The following BMPR1B variants were observed in gnomAD, a reference collection of about 807,000 sequenced individuals.
BMPR1B encodes bone morphogenetic protein receptor type 1B, also known as bone morphogenetic protein receptor type-1B.
A neutral mutation model predicts 59.1 loss-of-function variants in BMPR1B; 12 were observed. The ratio of observed to expected loss-of-function variants is 0.20; its 90% CI spans 0.13 to 0.33. The LOEUF (loss-of-function observed/expected upper bound fraction) is 0.33. Among genes scored for constraint, BMPR1B ranks in the 10% least tolerant of loss-of-function variants. The probability of loss-of-function intolerance (pLI) is 1.00; values close to 1 mark genes in which losing one functional copy is unlikely to be tolerated. For synonymous variants in BMPR1B, 237 were observed against 207.3 expected (o/e 1.14, Z -1.23); for missense variants, 550 against 610.9 (o/e 0.90, Z 1.05).
chr4:94,857,795 CT>C (rs1725818905), intron 1 of BMPR1B, among the ~76,000 whole-genome samples: 2 of 152,024 alleles, frequency 1.3e-5, no homozygotes, highest in Non-Finnish European at 2.9e-5. Context: ...CAATACAACA[CT>C]TTTTTTAGTG....
intron 1 of BMPR1B, among the ~76,000 whole-genome samples, chr4:94,766,592 A>C (rs1721978412): frequency 6.6e-6 from 1 of 151,890 alleles, no homozygotes; most frequent in Admixed American, 6.6e-5. Flanking sequence ...TATTTTTTTA[A>C]TTGTAAAGAA....
intron 6 of BMPR1B, among the ~76,000 whole-genome samples, chr4:95,119,427 C>G (rs1295012030): frequency 1.3e-5 from 2 of 152,066 alleles, no homozygotes; most frequent in African/African-American, 4.8e-5. Context: ...AAAAAATTTA[C>G]TAAGACAATT....
chr4:94,833,909 T>G (rs768621496), intron 1 of BMPR1B, among the ~76,000 whole-genome samples: 3 of 152,208 alleles, frequency 2.0e-5, no homozygotes, highest in Admixed American at 6.5e-5. Context: ...TACATGAGAT[T>G]AGGCATTTTT....
At chr4:94,777,722 T>A (rs1722430506) in intron 1 of BMPR1B, among the ~76,000 whole-genome samples, 1 of 152,140 alleles carries the variant, frequency 6.6e-6, no homozygotes, top group African/African-American at 2.4e-5. Flanking sequence ...CTTTTCTTAC[T>A]TTTAAAAAAT....
rs932252207 is a variant in BMPR1B at position 95,157,616 on chromosome 4, G to A, written c.*2943G>A. Reference sequence around the variant, plus strand: ...TCAGGTTTATAGTTTATGTATGTGTGTATATATATAAATATATATGTATAT... The same window carrying A: ...TCAGGTTTATAGTTTATGTATGTGTATATATATATAAATATATATGTATAT... On this transcript the variant is annotated 3_prime_UTR_variant, in exon 13 of 13. Transcript: ENST00000515059. The A allele has an allele frequency of 6.6e-6, 1 of 151,048 alleles. No individual in the cohort carries two copies. Among genetic ancestry groups the A allele is most frequent in the African/African-American group, 2.4e-5 (1 of 41,206 alleles). The allele number at this position is 151,048 out of a possible 1,614,324, so 9.4% of individuals were successfully genotyped here.
intron 2 of BMPR1B, among the ~76,000 whole-genome samples, chr4:94,982,111 A>C (rs1412332877): frequency 6.6e-6 from 1 of 152,252 alleles, no homozygotes; most frequent in East Asian, 1.9e-4. Context: ...TCCAGAATGC[A>C]CAGGGAGAAT....
rs1042854651 is a variant in BMPR1B at position 95,078,246 on chromosome 4, C to T, written c.-17-26162C>T. On this transcript the variant is annotated intron_variant, in intron 3 of 12. Transcript: ENST00000515059. ...TGATAAATACTTGGAGGTCATCTATCACACTCTAGGAAGTAGTCTTGTGTG... is the reference window on the plus strand; with the variant it reads ...TGATAAATACTTGGAGGTCATCTATTACACTCTAGGAAGTAGTCTTGTGTG... Among the ~76,000 whole-genome samples the T allele has an allele frequency of 5.3e-5, 8 of 152,316 alleles. No homozygotes were observed. The East Asian group carries it at 1.5e-3, about 29-fold the overall frequency.
At chr4:94,958,588 A>G (rs1730242890) in intron 2 of BMPR1B, among the ~76,000 whole-genome samples, 1 of 152,066 alleles carries the variant, frequency 6.6e-6, no homozygotes, top group African/African-American at 2.4e-5. Context: ...GTTAGGGACC[A>G]CCCTAACAGC....
intron 3 of BMPR1B, among the ~76,000 whole-genome samples, chr4:94,999,456 A>G (rs181034280): frequency 1.3e-5 from 2 of 151,280 alleles, no homozygotes; most frequent in Admixed American, 1.3e-4. Context: ...GTGTGTAACC[A>G]TGAAAATAGA....
chr4:95,142,813 CT>C lies in BMPR1B; in HGVS notation c.1077-5920del, dbSNP rs11385949. Among the ~76,000 whole-genome samples the C allele has an allele frequency of 3.1e-3, 430 of 140,608 alleles. 2 individuals are homozygous for C. Among genetic ancestry groups the C allele is most frequent in the African/African-American group, 4.6e-3 (174 of 37,532 alleles). The allele number at this position is 140,608 out of a possible 152,430, so 92.2% of individuals were successfully genotyped here. A position where few individuals can be genotyped will look rare whatever the true frequency, so the allele number is the denominator to read the frequency against. On this transcript the variant is annotated intron_variant, in intron 10 of 12. Transcript: ENST00000515059. ...TGTGCTCAGTCAAGTAGTTGGGGCT[CT>C]TTTTTTTTTTTTTTAACATAACACT... is the stretch of plus-strand genomic sequence containing the variant.
chr4:94,779,289 T>G (rs1294458056), intron 1 of BMPR1B, among the ~76,000 whole-genome samples: 1 of 152,182 alleles, frequency 6.6e-6, no homozygotes, highest in African/African-American at 2.4e-5. Context: ...AATTGTCCAT[T>G]AATGTCAGCC....
At chr4:95,114,864 A>T (rs201177627) in intron 5 of BMPR1B, 42 bp downstream of exon 5, 1 of 1,522,046 alleles carries the variant, frequency 6.6e-7, no homozygotes, top group African/African-American at 1.4e-5. Flanking sequence ...CATTGGCTAG[A>T]TTTCCAACAA....
At chr4:95,011,428 C>G (rs1472292994) in intron 3 of BMPR1B, among the ~76,000 whole-genome samples, 1 of 152,152 alleles carries the variant, frequency 6.6e-6, no homozygotes, top group African/African-American at 2.4e-5. Context: ...GTATCTCTCT[C>G]TTTTTCTGCT....
intron 2 of BMPR1B, among the ~76,000 whole-genome samples, chr4:94,912,284 A>G (rs985679393): frequency 2.0e-5 from 3 of 152,050 alleles, no homozygotes; most frequent in Non-Finnish European, 2.9e-5. Context: ...CACAATAAAT[A>G]TCTGTTTTCT....
At chr4:94,805,053 A>G (rs905875282) in intron 1 of BMPR1B, among the ~76,000 whole-genome samples, 2 of 152,228 alleles carry the variant, frequency 1.3e-5, no homozygotes, top group African/African-American at 4.8e-5. Flanking sequence ...TCTATGATCT[A>G]TAAAATGAAG....
chr4:94,846,035 G>A (rs1285921989), intron 1 of BMPR1B, among the ~76,000 whole-genome samples: 1 of 152,148 alleles, frequency 6.6e-6, no homozygotes, highest in Non-Finnish European at 1.5e-5. Context: ...CAAAACTGGA[G>A]GAATCACATT....
intron 1 of BMPR1B, among the ~76,000 whole-genome samples, chr4:94,831,677 C>G (rs929937248): frequency 2.0e-5 from 3 of 152,114 alleles, no homozygotes; most frequent in African/African-American, 4.8e-5. Context: ...TTATAGTTGC[C>G]TACAGCAGGG....
chr4:94,898,959 C>G (rs1201570581), intron 2 of BMPR1B, among the ~76,000 whole-genome samples: 5 of 152,032 alleles, frequency 3.3e-5, no homozygotes, highest in African/African-American at 1.2e-4. Flanking sequence ...TGTATTCTCT[C>G]ATAGTTCTGG....
chr4:94,863,568 A>G (rs1479298451), intron 1 of BMPR1B, among the ~76,000 whole-genome samples: 2 of 152,134 alleles, frequency 1.3e-5, no homozygotes, highest in East Asian at 1.9e-4. Flanking sequence ...TGCAGTTGCT[A>G]TTTGGTTTCT....
Sources: gnomAD v4.1 joint callset for allele counts (sites outside exome capture counted in the v4.1 genomes callset) on GRCh38, gnomAD v4.1.1 for gene constraint, MANE v1.5 for transcripts, NCBI Gene and HGNC (gene_info 2026-07-23, HGNC 2026-07-21) for gene names.